Variants in OXR1 observed in about 807,000 individuals in gnomAD.
The protein encoded by OXR1 is oxidation resistance protein 1.
In OXR1, 41 loss-of-function variants were observed where a neutral mutation model predicts 104.6. That is an observed-to-expected ratio of 0.39 (90% confidence interval 0.31 to 0.51). OXR1 has a LOEUF of 0.51. Ranked by LOEUF, OXR1 falls within the 20% of genes least tolerant of loss-of-function variation. The pLI is 0.77. For missense variants in OXR1, 955 were observed against 1,031.9 expected (o/e 0.93, Z 1.02); for synonymous variants, 348 against 348.4 (o/e 1.00, Z 0.01).
At chr8:106,342,257 T>A (rs979390119) in intron 1 of OXR1, among the ~76,000 whole-genome samples, 46 of 150,522 alleles carry the variant, frequency 3.1e-4, no homozygotes, top group African/African-American at 1.0e-3. Context: ...TTTTTCTTTT[T>A]TTTTTTTTCT....
intron 2 of OXR1, among the ~76,000 whole-genome samples, chr8:106,405,123 G>T (rs1818163270): frequency 1.5e-5 from 2 of 134,456 alleles, no homozygotes; most frequent in Admixed American, 8.3e-5. Flanking sequence ...TCAGATTAGA[G>T]AGCCAATTCA....
intron 3 of OXR1, among the ~76,000 whole-genome samples, chr8:106,571,978 C>G (rs1008129490): frequency 6.6e-6 from 1 of 152,164 alleles, no homozygotes; most frequent in Admixed American, 6.5e-5. Flanking sequence ...GGCAATGTCA[C>G]TCCCATGACT....
intron 5 of OXR1, 89 bp from the exon 6 acceptor site, chr8:106,684,150 TTAATTGG>T: frequency 1.6e-6 from 1 of 626,230 alleles, no homozygotes; most frequent in Non-Finnish European, 2.8e-6. Flanking sequence ...GTTTTTCTGT[TTAATTGG>T]TAATTGTTAA....
intron 11 of OXR1, among the ~76,000 whole-genome samples, chr8:106,717,261 AT>A (rs1194403900): frequency 6.6e-6 from 1 of 152,224 alleles, no homozygotes; most frequent in Non-Finnish European, 1.5e-5. Flanking sequence ...GTAATTTTAA[AT>A]GTTAACATGA....
intron 1 of OXR1, among the ~76,000 whole-genome samples, chr8:106,346,903 C>T (rs1815508102): frequency 6.6e-6 from 1 of 152,212 alleles, no homozygotes. Context: ...ATTAGCCGGG[C>T]GTGGTGGCGG....
rs772762761 is a variant in OXR1, at chr8:106,700,276, G to C, written c.676-2630G>C. Reference sequence around the variant, plus strand: ...AAATATTTTAAAAATAATGAGATGGGAGTGCTTTGGTATAAGCTTATGATT... The same window carrying C: ...AAATATTTTAAAAATAATGAGATGGCAGTGCTTTGGTATAAGCTTATGATT... On this transcript the variant is annotated intron_variant, in intron 7 of 16. Transcript: ENST00000517566. Among the ~76,000 whole-genome samples the C allele has an allele frequency of 2.6e-5, 4 of 152,104 alleles. No individual in the cohort carries two copies. The South Asian group carries it at 8.3e-4, about 32-fold the overall frequency.
intron 2 of OXR1, 105 bp from the exon 3 acceptor site, chr8:106,518,834 TTCTA>T (rs1813052743): frequency 1.5e-6 from 1 of 685,872 alleles, no homozygotes; most frequent in Admixed American, 3.2e-5. Context: ...ATAGATGTGG[TTCTA>T]TCTCAAGGTT....
Position 106,591,446 on chromosome 8 carries a change from A to T in OXR1, c.220+72307A>T, listed in dbSNP as rs575953514. Among the ~76,000 whole-genome samples, 30 of 26,142 alleles carry T rather than the reference A, an allele frequency of 1.1e-3. No individual in the cohort carries two copies. The East Asian group carries it at 0.041, about 35-fold the overall frequency. The allele number at this position is 26,142 out of a possible 152,430, so 17.2% of individuals were successfully genotyped here. A position where few individuals can be genotyped will look rare whatever the true frequency, so the allele number is the denominator to read the frequency against. ...GTACCCTAAAACTTAAAGTATAATT[A>T]AAAAAAAAAAGAACTAAGTAGGAGG... On this transcript the variant is annotated intron_variant, in intron 3 of 16. Transcript: ENST00000517566.
intron 1 of OXR1, among the ~76,000 whole-genome samples, chr8:106,295,422 G>T (rs143365885): frequency 9.7e-4 from 147 of 152,062 alleles, no homozygotes; most frequent in African/African-American, 3.4e-3. Flanking sequence ...ATATATATGT[G>T]ATGTATACAT....
chr8:106,510,335 C>T (rs909279015), intron 2 of OXR1, among the ~76,000 whole-genome samples: 1 of 152,126 alleles, frequency 6.6e-6, no homozygotes, highest in African/African-American at 2.4e-5. Flanking sequence ...ACTAGAATTT[C>T]CATGAATGTA....
intron 11 of OXR1, among the ~76,000 whole-genome samples, chr8:106,719,063 A>G (rs946640145): frequency 6.6e-6 from 1 of 152,180 alleles, no homozygotes; most frequent in African/African-American, 2.4e-5. Context: ...AGAAGGAACT[A>G]CTTATTACAG....
intron 3 of OXR1, among the ~76,000 whole-genome samples, chr8:106,593,562 A>G (rs1819273253): frequency 1.3e-5 from 2 of 152,182 alleles, no homozygotes; most frequent in Non-Finnish European, 2.9e-5. Flanking sequence ...GCGGATCATG[A>G]GGTCAGGAGA....
intron 3 of OXR1, among the ~76,000 whole-genome samples, chr8:106,673,075 T>G (rs983054484): frequency 6.7e-6 from 1 of 148,896 alleles, no homozygotes; most frequent in African/African-American, 2.4e-5. Flanking sequence ...ACTTTGGAAC[T>G]GGGTAACAGG....
chr8:106,276,837 A>G (rs1812067056), intron 1 of OXR1, among the ~76,000 whole-genome samples: 1 of 152,056 alleles, frequency 6.6e-6, no homozygotes, highest in Admixed American at 6.6e-5. Flanking sequence ...AAAAGATTAA[A>G]CGCCTTTTTA....
At chr8:106,396,421 C>T (rs1817786012) in intron 2 of OXR1, among the ~76,000 whole-genome samples, 1 of 151,816 alleles carries the variant, frequency 6.6e-6, no homozygotes, top group Admixed American at 6.6e-5. Flanking sequence ...GACAGTGTTC[C>T]CCAAACACAT....
chr8:106,287,669 AT>A (rs1812556644), intron 1 of OXR1, among the ~76,000 whole-genome samples: 2 of 151,000 alleles, frequency 1.3e-5, no homozygotes, highest in Admixed American at 1.3e-4. Context: ...AAAAAAAAAA[AT>A]CTGTGCAAAA....
At chr8:106,658,329 CGGCCGCCG>C in intron 3 of OXR1, 3 of 991,302 alleles carry the variant, frequency 3.0e-6, no homozygotes, top group Non-Finnish European at 3.9e-6. Flanking sequence ...GCCGGGGTGG[CGGCCGCCG>C]GGGGCGAGGA....
At chr8:106,294,232 C>T (rs1410847969) in intron 1 of OXR1, among the ~76,000 whole-genome samples, 2 of 151,220 alleles carry the variant, frequency 1.3e-5, no homozygotes, top group Non-Finnish European at 2.9e-5. Context: ...GAAACCCCGT[C>T]TCTTAAAGAA....
intron 11 of OXR1, among the ~76,000 whole-genome samples, chr8:106,726,600 A>G (rs200381042): frequency 6.6e-6 from 1 of 152,178 alleles, no homozygotes; most frequent in Non-Finnish European, 1.5e-5. Context: ...ATTTTAGCTT[A>G]ACTTTTTAGA....
Sources: gnomAD v4.1 joint callset for allele counts (sites outside exome capture counted in the v4.1 genomes callset) on GRCh38, gnomAD v4.1.1 for gene constraint, MANE v1.5 for transcripts, NCBI Gene and HGNC (gene_info 2026-07-23, HGNC 2026-07-21) for gene names.